DAB1: variants seen among roughly 807,000 people sequenced by gnomAD.
DAB1 encodes the protein disabled homolog 1.
DAB1 carries 15 observed loss-of-function variants against 64.6 expected under a neutral mutation model. The observed-to-expected ratio is 0.23, with a 90% CI of 0.16 to 0.36. The LOEUF (loss-of-function observed/expected upper bound fraction) is 0.36, where lower values mean the gene tolerates loss of function less well. DAB1 is among the 10% of genes least tolerant of loss of function. DAB1 has a pLI of 1.00. For missense variants in DAB1, 596 were observed against 706.7 expected (o/e 0.84, Z 1.78); for synonymous variants, 235 against 251.9 (o/e 0.93, Z 0.64).
At chr1:57,606,593 T>TATATATGAAATATATAATATA (rs1553199516) in intron 7 of DAB1, among the ~76,000 whole-genome samples, 5 of 80,298 alleles carry the variant, frequency 6.2e-5, no homozygotes, top group Non-Finnish European at 2.2e-5. Flanking sequence ...TATAATATAT[T>TATATATGAAATATATAATATA]ATATATTATA....
chr1:57,265,844 T>A (rs1445700104), intron 2 of DAB1, among the ~76,000 whole-genome samples: 1 of 152,202 alleles, frequency 6.6e-6, no homozygotes, highest in African/African-American at 2.4e-5. Context: ...GTGGTATCTA[T>A]GTATTTTGAC....
intron 5 of DAB1, among the ~76,000 whole-genome samples, chr1:57,903,760 G>A (rs920559825): frequency 3.3e-5 from 5 of 152,144 alleles, no homozygotes; most frequent in Admixed American, 6.5e-5. Context: ...GGTTATTGTG[G>A]AATACAGCTC....
chr1:58,364,183 C>G (rs1644194336), intron 3 of DAB1, among the ~76,000 whole-genome samples: 1 of 152,144 alleles, frequency 6.6e-6, no homozygotes, highest in Non-Finnish European at 1.5e-5. Context: ...GGATGTGAAC[C>G]CTTGAGGAGG....
chr1:58,485,498 A>G (rs944278473), intron 3 of DAB1, among the ~76,000 whole-genome samples: 2 of 152,000 alleles, frequency 1.3e-5, no homozygotes, highest in Non-Finnish European at 2.9e-5. Context: ...TCTCCTCCCC[A>G]AATATCTATC....
At chr1:57,907,721 C>T (rs1644574278) in intron 5 of DAB1, among the ~76,000 whole-genome samples, 1 of 152,016 alleles carries the variant, frequency 6.6e-6, no homozygotes, top group African/African-American at 2.4e-5. Context: ...CTCTATCCTC[C>T]CCACCATCTT....
intron 4 of DAB1, among the ~76,000 whole-genome samples, chr1:58,161,792 C>T (rs1163190039): frequency 1.3e-5 from 2 of 151,968 alleles, no homozygotes; most frequent in South Asian, 2.1e-4. Context: ...GAATTCATTC[C>T]TTAACTACTG....
At chr1:57,085,068 CA>C (rs1040476876) in intron 4 of DAB1, among the ~76,000 whole-genome samples, 1 of 152,190 alleles carries the variant, frequency 6.6e-6, no homozygotes, top group African/African-American at 2.4e-5. Flanking sequence ...AGGGTCTCAG[CA>C]GGCAAAATTG....
At chr1:57,046,839 A>G (rs1327443546) in intron 9 of DAB1, among the ~76,000 whole-genome samples, 1 of 152,192 alleles carries the variant, frequency 6.6e-6, no homozygotes, top group Non-Finnish European at 1.5e-5. Flanking sequence ...AGCATTATGG[A>G]CAAAGAGTTT....
At chr1:58,071,434 C>T in intron 5 of DAB1, 1 of 152,368 alleles carries the variant, frequency 6.6e-6, no homozygotes, top group Non-Finnish European at 1.4e-5. Flanking sequence ...GTTCCCGCTG[C>T]TGGGCTGCTA....
intron 1 of DAB1, among the ~76,000 whole-genome samples, chr1:57,419,708 C>T (rs776177078): frequency 3.9e-5 from 6 of 152,168 alleles, no homozygotes; most frequent in East Asian, 1.9e-4. Flanking sequence ...TGTGTTAGTT[C>T]CTGTAATCTT....
Position 57,384,248 on chromosome 1 carries a change from A to G in DAB1, c.-137+39682T>C, listed in dbSNP as rs1681610959. 2.0e-5 allele frequency among the ~76,000 whole-genome samples: 3 copies of G among 152,140 alleles called. No homozygotes were observed. The South Asian group carries it at 6.2e-4, about 32-fold the overall frequency. ...ATAAAAACAAACAAACAAACAAATA[A>G]CAGCAAATAACAAGTGTTGGTGATG... On this transcript the variant is annotated intron_variant, in intron 1 of 14. Transcript: ENST00000371236.
At chr1:57,193,415 C>G (rs1166404040) in intron 2 of DAB1, among the ~76,000 whole-genome samples, 2 of 96,550 alleles carry the variant, frequency 2.1e-5, no homozygotes, top group African/African-American at 7.9e-5. Context: ...GAGACAGAGT[C>G]TCGCTCTGTC....
rs142519476 is a variant in DAB1, at chr1:58,288,709, C to A, written n.309+54643G>T. Among the ~76,000 whole-genome samples, 495 of 152,146 alleles carry A rather than the reference C, an allele frequency of 3.3e-3. 3 individuals are homozygous for A. Among genetic ancestry groups the A allele is most frequent in the African/African-American group, 0.011 (471 of 41,492 alleles). ...TAAGTTCATAAGCCCCTCCTTTGAC[C>A]CTCTTCTCCTTATATTTTTGCTTCC... On this transcript the variant is annotated intron_variant and non_coding_transcript_variant, in intron 4 of 20. Transcript: ENST00000485760.
intron 3 of DAB1, among the ~76,000 whole-genome samples, chr1:58,369,509 T>C (rs1248261613): frequency 6.6e-6 from 1 of 152,238 alleles, no homozygotes; most frequent in Non-Finnish European, 1.5e-5. Flanking sequence ...ATCTTAGAGT[T>C]AGTGAATTAC....
intron 4 of DAB1, among the ~76,000 whole-genome samples, chr1:58,283,829 CTT>C (rs1481133238): frequency 6.6e-6 from 1 of 152,216 alleles, no homozygotes; most frequent in Non-Finnish European, 1.5e-5. Flanking sequence ...TCTTGACAGA[CTT>C]TGTCCTCGAA....
intron 5 of DAB1, among the ~76,000 whole-genome samples, chr1:57,976,970 A>G (rs1645936010): frequency 6.6e-6 from 1 of 152,150 alleles, no homozygotes; most frequent in South Asian, 2.1e-4. Flanking sequence ...CTGGTCTCCT[A>G]ACACTCATGA....
chr1:57,410,371 C>G (rs1570471762), intron 1 of DAB1, among the ~76,000 whole-genome samples: 1 of 152,130 alleles, frequency 6.6e-6, no homozygotes, highest in Non-Finnish European at 1.5e-5. Flanking sequence ...AAGATAGTAG[C>G]CTTCAGAAAC....
chr1:57,373,846 T>C (rs1437616592), intron 1 of DAB1, among the ~76,000 whole-genome samples: 1 of 152,222 alleles, frequency 6.6e-6, no homozygotes, highest in East Asian at 1.9e-4. Flanking sequence ...TTGCAAATTA[T>C]ATATCTGTGG....
intron 3 of DAB1, among the ~76,000 whole-genome samples, chr1:58,490,586 A>G (rs1465501778): frequency 2.6e-5 from 4 of 152,150 alleles, no homozygotes; most frequent in South Asian, 2.1e-4. Context: ...CAGGAAATAC[A>G]GAGAATGCCA....
Sources: gnomAD v4.1 joint callset for allele counts (sites outside exome capture counted in the v4.1 genomes callset) on GRCh38, gnomAD v4.1.1 for gene constraint, MANE v1.5 for transcripts, NCBI Gene and HGNC (gene_info 2026-07-23, HGNC 2026-07-21) for gene names.